KIF20B: variants seen among roughly 807,000 people sequenced by gnomAD.
The protein encoded by KIF20B is kinesin family member 20B, also known as kinesin-like protein KIF20B.
Under a neutral mutation model 232.5 loss-of-function variants are expected in KIF20B, and 188 were observed. The observed-to-expected ratio is 0.81, with a 90% confidence interval of 0.72 to 0.91. The LOEUF (loss-of-function observed/expected upper bound fraction) is 0.91, where lower values mean the gene tolerates loss of function less well. Among genes scored for constraint, KIF20B ranks in the 40% least tolerant of loss-of-function variants. KIF20B has a pLI of 0.00. For synonymous variants in KIF20B, 712 were observed against 683.0 expected, an observed-to-expected ratio of 1.04 and a Z score of -0.66; for missense variants, 2,154 against 2,055.9, an observed-to-expected ratio of 1.05 and a Z score of -0.92.
chr10:89,762,538 C>T, intron 28 of KIF20B, 100 bp from the exon 29 acceptor site: 1 of 828,636 alleles, frequency 1.2e-6, no homozygotes, highest in Non-Finnish European at 1.9e-6. Context: ...TTGTCTTTCC[C>T]AATGCATTGT....
At chr10:89,713,213 T>G (rs922996853) in intron 6 of KIF20B, among the ~76,000 whole-genome samples, 1 of 151,912 alleles carries the variant, frequency 6.6e-6, no homozygotes, top group African/African-American at 2.4e-5. Flanking sequence ...TACAAAAAAT[T>G]AGCTGGGCAT....
intron 26 of KIF20B, among the ~76,000 whole-genome samples, chr10:89,757,354 G>A (rs1842151592): frequency 6.6e-6 from 1 of 151,642 alleles, no homozygotes. Context: ...CTTATTTGTA[G>A]GAATTCTTTA....
rs763226472 is a variant in KIF20B at position 89,737,562 on chromosome 10, A to G, written c.2721A>G (p.Glu907=). 2 of 1,607,664 alleles carry G rather than the reference A, an allele frequency of 1.2e-6. No homozygotes were observed. Among genetic ancestry groups the G allele is most frequent in the Non-Finnish European group, 1.7e-6 (2 of 1,177,358 alleles). Residue 907 remains glutamate (E), a synonymous_variant, in exon 20 of 33, where the codon GAA becomes GAG. Coordinates refer to ENST00000371728, the MANE Select transcript of KIF20B (RefSeq NM_001284259.2). ...AAAATGAAAAGGAAGAAAAAGCAGA[A>G]TTAAATAAACAGATTGTTCATTTTC... The part of the protein sequence containing the change: ...ELKNEKEEKA[E]LNKQIVHFQQ...
chr10:89,743,835 T>A lies in KIF20B; in HGVS notation c.3943T>A (p.Leu1315Ile). ...ATCTGTAATGCGTGATGAGGATAAA[T>A]TACTGAGGATTAAAATTAATGAACT... ...EVSVMRDEDKLLRIKINELEK... is the reference protein window; with the variant it reads ...EVSVMRDEDKILRIKINELEK... Residue 1315 changes from leucine to isoleucine, a missense_variant, in exon 22 of 33, where the codon TTA becomes ATA. Leu to Ile is a conservative substitution (Grantham distance 5). Coordinates refer to ENST00000371728, the MANE Select transcript of KIF20B (RefSeq NM_001284259.2). The A allele has an allele frequency of 6.5e-7, 1 of 1,536,560 alleles. No homozygotes were observed. Among genetic ancestry groups the A allele is most frequent in the Non-Finnish European group, 8.9e-7 (1 of 1,124,458 alleles).
intron 23 of KIF20B, among the ~76,000 whole-genome samples, chr10:89,746,464 T>A (rs2133143084): frequency 6.6e-6 from 1 of 152,316 alleles, no homozygotes; most frequent in African/African-American, 2.4e-5. Context: ...CATCTCACAG[T>A]AGATGGCCTG....
chr10:89,762,886 C>CT (rs1272742652), intron 29 of KIF20B, 51 bp downstream of exon 29: 2 of 1,348,830 alleles, frequency 1.5e-6, no homozygotes, highest in Admixed American at 3.6e-5. Context: ...TATTATAAAG[C>CT]TGTTATAGTA....
intron 29 of KIF20B, among the ~76,000 whole-genome samples, chr10:89,764,256 A>G (rs1477723975): frequency 1.3e-5 from 2 of 151,938 alleles, no homozygotes; most frequent in East Asian, 3.9e-4. Flanking sequence ...ATGGTATTCC[A>G]TGGTGTATAT....
rs543199747 is a variant in KIF20B at position 89,717,332 on chromosome 10, G to A, written c.1053-92G>A. On this transcript the variant is annotated intron_variant, in intron 9 of 32. Transcript: ENST00000371728. Reference sequence around the variant, plus strand: ...CAATGGTGGACTGTAGTTATACTAGGGTATAAATAAGATTGATTTGAATAC... The same window carrying A: ...CAATGGTGGACTGTAGTTATACTAGAGTATAAATAAGATTGATTTGAATAC... 291 of 741,188 alleles carry A rather than the reference G, an allele frequency of 3.9e-4. 1 individual carries two copies. The African/African-American group carries it at 4.7e-3, about 12-fold the overall frequency. The allele number at this position is 741,188 out of a possible 1,614,324, so 45.9% of individuals were successfully genotyped here. A position where few individuals can be genotyped will look rare whatever the true frequency, so the allele number is the denominator to read the frequency against.
intron 19 of KIF20B, among the ~76,000 whole-genome samples, chr10:89,735,988 C>T (rs1311169174): frequency 6.6e-6 from 1 of 152,102 alleles, no homozygotes; most frequent in Non-Finnish European, 1.5e-5. Context: ...GTGAGGATAT[C>T]ACATAAAAAT....
intron 16 of KIF20B, 51 bp from the exon 17 acceptor site, chr10:89,727,805 C>G (rs745962451): frequency 1.5e-5 from 22 of 1,430,768 alleles, no homozygotes; most frequent in Non-Finnish European, 1.8e-5. Context: ...TTCAGTGATA[C>G]ATATTTTTAG....
Position 89,772,807 on chromosome 10 carries a change from T to C in KIF20B, c.5361T>C (p.Ser1787=). The C allele has an allele frequency of 6.2e-7, 1 of 1,609,874 alleles. No homozygotes were observed. Among genetic ancestry groups the C allele is most frequent in the Non-Finnish European group, 8.5e-7 (1 of 1,177,868 alleles). ...AATTATACACAAGTGAAATTTCATC[T>C]CCTATTGATATATCAGGCCAAGTGG... The part of the protein sequence containing the change: ...KRKLYTSEIS[S]PIDISGQVIL... The change falls in exon 32 of 33, where the codon TCT becomes TCC. Residue 1787 remains serine (S), a synonymous_variant. Transcript: ENST00000371728.
chr10:89,718,912 T>C (rs1362352761), intron 12 of KIF20B, 40 bp downstream of exon 12: 4 of 1,227,564 alleles, frequency 3.3e-6, no homozygotes, highest in Non-Finnish European at 4.5e-6. Context: ...TATTAGAATA[T>C]TAACAGTTTT....
chr10:89,720,611 C>T (rs1843034424), intron 13 of KIF20B, among the ~76,000 whole-genome samples: 1 of 152,194 alleles, frequency 6.6e-6, no homozygotes, highest in Non-Finnish European at 1.5e-5. Flanking sequence ...CCCATATCTT[C>T]AAAAACACTA....
chr10:89,748,267 C>T (rs373429378), intron 23 of KIF20B, among the ~76,000 whole-genome samples: 2 of 152,334 alleles, frequency 1.3e-5, no homozygotes, highest in African/African-American at 2.4e-5. Context: ...GCCTTGGCCT[C>T]CCAAAGTGGT....
chr10:89,708,940 G>T (rs1288705964), intron 2 of KIF20B, among the ~76,000 whole-genome samples: 1 of 152,080 alleles, frequency 6.6e-6, no homozygotes, highest in African/African-American at 2.4e-5. Context: ...TAAACTTCAC[G>T]TATAAATACA....
At chr10:89,711,286 C>A in intron 6 of KIF20B, 141 bp downstream of exon 6, 1 of 484,848 alleles carries the variant, frequency 2.1e-6, no homozygotes, top group Non-Finnish European at 3.5e-6. Context: ...AAAAATAAAG[C>A]TTAAAGTGTG....
Position 89,737,470 on chromosome 10 carries a change from A to C in KIF20B, c.2629A>C (p.Ile877Leu), listed in dbSNP as rs765334220. ...VRPNIAEIED[I>L]RVLQENNEGL... ...ACCGAACATTGCAGAAATTGAAGACATCAGAGTTTTACAAGAAAATAATGA... is the reference window on the plus strand; with the variant it reads ...ACCGAACATTGCAGAAATTGAAGACCTCAGAGTTTTACAAGAAAATAATGA... The change falls in exon 20 of 33, where the codon ATC becomes CTC. Residue 877 changes from isoleucine to leucine, a missense_variant. Transcript: ENST00000371728. The C allele has an allele frequency of 1.9e-6, 3 of 1,609,322 alleles. No individual in the cohort carries two copies. Among genetic ancestry groups the C allele is most frequent in the Non-Finnish European group, 2.5e-6 (3 of 1,178,740 alleles).
intron 26 of KIF20B, among the ~76,000 whole-genome samples, chr10:89,757,748 C>G (rs998248878): frequency 6.6e-6 from 1 of 150,584 alleles, no homozygotes; most frequent in Non-Finnish European, 1.5e-5. Context: ...AAGACTGTTT[C>G]TTTCTCACTG....
At position 89,709,298 on chromosome 10, in the gene KIF20B, A is replaced by G. The variant is rs574782938; in HGVS notation, c.234+45A>G. 1.3e-5 allele frequency: 21 copies of G among 1,587,832 alleles called. No homozygotes were observed. The South Asian group carries it at 2.0e-4, about 15-fold the overall frequency. On this transcript the variant is annotated intron_variant, in intron 3 of 32. Coordinates refer to ENST00000371728, the MANE Select transcript of KIF20B (RefSeq NM_001284259.2). ...GAATTTTAATATTTTACTTTCATTT[A>G]AAATGGCAAAATACTAGTTTTTATT... is the stretch of plus-strand genomic sequence containing the variant.
Sources: allele counts gnomAD v4.1 joint callset (sites outside exome capture counted in the v4.1 genomes callset), GRCh38; gene constraint gnomAD v4.1.1; transcripts MANE v1.5; gene names NCBI Gene and HGNC (gene_info 2026-07-23, HGNC 2026-07-21).